Variants in CTC1 observed in about 807,000 individuals in gnomAD.
CTC1 encodes CST complex subunit CTC1.
A neutral mutation model predicts 136.3 loss-of-function variants in CTC1; 91 were observed. The ratio of observed to expected loss-of-function variants is 0.67; its 90% confidence interval spans 0.56 to 0.79. The LOEUF (loss-of-function observed/expected upper bound fraction) is 0.79, where lower values mean the gene tolerates loss of function less well. Among genes scored for constraint, CTC1 ranks in the 30% least tolerant of loss-of-function variants. The pLI is 0.00. For missense variants in CTC1, 1,432 were observed against 1,498.1 expected (o/e 0.96, Z 0.73); for synonymous variants, 606 against 613.8 (o/e 0.99, Z 0.19).
In CTC1 at chr17:8,235,072, G is replaced by A. The variant is rs767968236; in HGVS notation, c.1420C>T (p.Leu474=). The change falls in exon 8 of 23, where the codon CTG becomes TTG. Residue 474 remains leucine (L), a synonymous_variant. Coordinates refer to ENST00000651323, the MANE Select transcript of CTC1 (RefSeq NM_025099.6). The part of the protein sequence containing the change: ...LPLYLWATKA[L]EELACKLCPH... ...CCTCACTTGCAGGCCAGCTCCTCCA[G>A]GGCCTTGGTAGCCCACAGGTAGAGG... The A allele has an allele frequency of 2.4e-5, 39 of 1,614,126 alleles. No homozygotes were observed. Among genetic ancestry groups the A allele is most frequent in the Non-Finnish European group, 3.1e-5 (37 of 1,180,008 alleles).
chr17:8,247,898 G>T, intron 1 of CTC1, 106 bp downstream of exon 1: 1 of 1,195,036 alleles, frequency 8.4e-7, no homozygotes, highest in Non-Finnish European at 1.2e-6. Context: ...CCATGGGCCG[G>T]ACGCGGCCAG....
Position 8,231,475 on chromosome 17 carries a change from C to T in CTC1, c.2476-6G>A, listed in dbSNP as rs768967446. 1.4e-5 allele frequency: 22 copies of T among 1,593,842 alleles called. No homozygotes were observed. Among genetic ancestry groups the T allele is most frequent in the Admixed American group, 5.2e-5 (3 of 58,056 alleles). ...TTTTCAAACAACATTGGTGTCTGCA[C>T]GGAAATGGGAAGACGACTGCCTGTG... On this transcript the variant is annotated splice_polypyrimidine_tract_variant and splice_region_variant and intron_variant, in intron 14 of 22. Coordinates refer to ENST00000651323, the MANE Select transcript of CTC1 (RefSeq NM_025099.6).
chr17:8,231,282 CT>C lies in CTC1; in HGVS notation c.2662del (p.Ser888ValfsTer30). ...GGGCTTGGTGGACATTTACTTGTCA[CT>C]GAGCAGGTCGGTCAGTGAGGATTCA... ...LPESSLTDLLSDNFTDSLVSF... is the reference protein window; with the variant it reads ...LPESSLTDLLXDNFTDSLVSF... On this transcript the variant is annotated frameshift_variant, in exon 15 of 23. Transcript: ENST00000651323. LOFTEE classifies it high-confidence loss of function. 1.3e-6 allele frequency: 2 copies of C among 1,551,294 alleles called. No homozygotes were observed. Among genetic ancestry groups the C allele is most frequent in the African/African-American group, 1.4e-5 (1 of 73,108 alleles).
At chr17:8,238,285 C>A (rs554439039) in intron 3 of CTC1, 43 bp from the exon 4 acceptor site, 1 of 1,566,976 alleles carries the variant, frequency 6.4e-7, no homozygotes, top group African/African-American at 1.4e-5. Flanking sequence ...ACCTTAGCAT[C>A]CTATCCACCC....
At position 8,226,631 on chromosome 17, in the gene CTC1, C is replaced by G. The variant is rs1426639457; in HGVS notation, c.*1549G>C. 1.3e-5 allele frequency: 2 copies of G among 151,790 alleles called. No homozygotes were observed. The highest frequency in any genetic ancestry group is 2.9e-5 in the Non-Finnish European group (2 of 68,028). The allele number at this position is 151,790 out of a possible 1,614,324, so 9.4% of individuals were successfully genotyped here. On this transcript the variant is annotated 3_prime_UTR_variant, in exon 23 of 23. Transcript: ENST00000651323. The stretch of plus-strand genomic sequence containing the variant: ...ATGACGTAGTCGGCAGGATTCGAAC[C>G]TGCGCGGGGAGACCCCAATGGATTT...
At chr17:8,239,712 GT>G (rs1193833148) in intron 2 of CTC1, among the ~76,000 whole-genome samples, 1 of 151,842 alleles carries the variant, frequency 6.6e-6, no homozygotes, top group East Asian at 1.9e-4. Flanking sequence ...ATGAGCCACT[GT>G]GCCCGGCCCC....
chr17:8,229,377 G>A lies in CTC1; in HGVS notation c.3081C>T (p.Ala1027=). 1.2e-6 allele frequency: 2 copies of A among 1,614,196 alleles called. No individual in the cohort carries two copies. The highest frequency in any genetic ancestry group is 1.7e-6 in the Non-Finnish European group (2 of 1,180,010). The change falls in exon 19 of 23, where the codon GCC becomes GCT. Residue 1027 remains alanine (A), a synonymous_variant. Coordinates refer to ENST00000651323, the MANE Select transcript of CTC1 (RefSeq NM_025099.6). ...QGGQSPFQAT[A]SCHIVSVFSL... ...TGAAGACAGAGACGATATGGCAAGA[G>A]GCAGTGGCCTGGAATGGGGACTGAC...
rs199473676 is a variant in CTC1 at position 8,232,427 on chromosome 17, A to C, written c.1994T>G (p.Val665Gly). The change falls in exon 12 of 23, where the codon GTG (valine) becomes GGG (glycine). Residue 665 changes from valine to glycine, a missense_variant. Physicochemically the swap from Val to Gly is moderately radical, Grantham distance 109. Transcript: ENST00000651323. Reference protein sequence around the residue: ...ERFQLIVERDVRSSFPSWKEL... With the variant: ...ERFQLIVERDGRSSFPSWKEL... ...CTTCCAGGAAGGGAAGCTGCTTCTC[A>C]CGTCCCTCTCTACGATCAACTGAAA... The C allele has an allele frequency of 9.4e-5, 152 of 1,613,942 alleles. No homozygotes were observed.
chr17:8,235,228 C>T lies in CTC1; in HGVS notation c.1264G>A (p.Ala422Thr), dbSNP rs369078832. Residue 422 changes from alanine (A) to threonine (T), a missense_variant, in exon 8 of 23, where the codon GCC becomes ACC. Physicochemically the swap from Ala to Thr is moderately conservative, Grantham distance 58. Transcript: ENST00000651323. Reference protein sequence around the residue: ...VGGGTRRPVLAPCLRGAVLLQ... With the variant: ...VGGGTRRPVLTPCLRGAVLLQ... ...AGAACGGCGCCACGGAGGCAGGGGG[C>T]GAGCACTGGCCTTCTTGTCCCCCCT... The T allele has an allele frequency of 4.5e-5, 72 of 1,614,104 alleles. No homozygotes were observed. The highest frequency in any genetic ancestry group is 1.6e-4 in the Middle Eastern group (1 of 6,062).
At position 8,231,726 on chromosome 17, in the gene CTC1, A is replaced by T; in HGVS notation, c.2475T>A (p.Ala825=). The T allele has an allele frequency of 6.2e-7, 1 of 1,613,846 alleles. No homozygotes were observed. The highest frequency in any genetic ancestry group is 8.5e-7 in the Non-Finnish European group (1 of 1,179,690). Residue 825 remains alanine (A), a splice_region_variant and synonymous_variant, in exon 14 of 23, where the codon GCT becomes GCA. Coordinates refer to ENST00000651323, the MANE Select transcript of CTC1 (RefSeq NM_025099.6). Reference sequence around the variant, plus strand: ...AGGTATGATGAAGTAGGACACTCACAGCGGGGCCAGGAGCTATGAGTCGGT... The same window carrying T: ...AGGTATGATGAAGTAGGACACTCACTGCGGGGCCAGGAGCTATGAGTCGGT... ...QVYRLIAPGP[A]TPMLFEKDGS... is the part of the protein sequence containing the mutation.
chr17:8,242,540 A>G (rs1485685417), intron 2 of CTC1, among the ~76,000 whole-genome samples: 2 of 61,912 alleles, frequency 3.2e-5, no homozygotes, highest in African/African-American at 7.1e-5. Flanking sequence ...AGAGAAAAAA[A>G]AAAAAAAAAA....
At chr17:8,239,607 A>G (rs1316360385) in intron 2 of CTC1, among the ~76,000 whole-genome samples, 5 of 151,588 alleles carry the variant, frequency 3.3e-5, no homozygotes, top group Non-Finnish European at 7.4e-5. Flanking sequence ...AACCCTCTCC[A>G]GATGGGGTTT....
At chr17:8,241,915 A>C (rs375576519) in intron 2 of CTC1, among the ~76,000 whole-genome samples, 41 of 151,956 alleles carry the variant, frequency 2.7e-4, no homozygotes, top group African/African-American at 9.4e-4. Context: ...CATTTATTTA[A>C]AGTCTACACT....
At position 8,231,969 on chromosome 17, in the gene CTC1, G is replaced by A; in HGVS notation, c.2319C>T (p.Thr773=). 5 of 1,612,024 alleles carry A rather than the reference G, an allele frequency of 3.1e-6. No individual in the cohort carries two copies. The highest frequency in any genetic ancestry group is 4.2e-6 in the Non-Finnish European group (5 of 1,179,086). The change falls in exon 13 of 23, where the codon ACC becomes ACT. Residue 773 remains threonine, a synonymous_variant. Transcript: ENST00000651323. The part of the protein sequence containing the change: ...FYVLGSWLGG[T]QRKEGTGWGL... ...CCCATCCAGTACCCTCCTTCCTCTGGGTGCCCCCAAGCCAGCTCCCCAACA... is the reference window on the plus strand; with the variant it reads ...CCCATCCAGTACCCTCCTTCCTCTGAGTGCCCCCAAGCCAGCTCCCCAACA...
intron 14 of CTC1, 113 bp downstream of exon 14, chr17:8,231,613 A>G: frequency 8.0e-7 from 1 of 1,254,524 alleles, no homozygotes; most frequent in African/African-American, 1.5e-5. Flanking sequence ...GTGTATCTAA[A>G]TCCAGCCTTC....
chr17:8,233,276 T>C (rs1351461874), intron 10 of CTC1: 3 of 469,276 alleles, frequency 6.4e-6, no homozygotes, highest in Non-Finnish European at 1.2e-5. Context: ...CCATGCGGGA[T>C]CTCACAGGAC....
In CTC1 at chr17:8,232,954, G is replaced by C. The variant is rs1461131288; in HGVS notation, c.1897C>G (p.Leu633Val). The C allele has an allele frequency of 1.2e-6, 2 of 1,614,050 alleles. No homozygotes were observed. The highest frequency in any genetic ancestry group is 1.7e-6 in the Non-Finnish European group (2 of 1,180,030). Residue 633 changes from leucine to valine, a missense_variant, in exon 11 of 23, where the codon CTG becomes GTG. Physicochemically the swap from Leu to Val is conservative, Grantham distance 32. Coordinates refer to ENST00000651323, the MANE Select transcript of CTC1 (RefSeq NM_025099.6). ...LRDQSGSLPC[L>V]LLAKHSQPLS... Reference sequence around the variant, plus strand: ...GGTTGAGAGTGCTTGGCCAGGAGCAGGCAGGGCAGGGAACCACTTTGGTCC... The same window carrying C: ...GGTTGAGAGTGCTTGGCCAGGAGCACGCAGGGCAGGGAACCACTTTGGTCC...
At chr17:8,237,297 T>C in intron 5 of CTC1, 78 bp downstream of exon 5, 3 of 1,534,586 alleles carry the variant, frequency 2.0e-6, no homozygotes, top group Non-Finnish European at 2.7e-6. Context: ...ACATGGCTCC[T>C]CCTATGATGC....
intron 18 of CTC1, 87 bp downstream of exon 18, chr17:8,229,804 A>G: frequency 1.7e-6 from 2 of 1,152,720 alleles, no homozygotes; most frequent in Middle Eastern, 2.3e-4. Context: ...GAAGACTGTA[A>G]TGATGGCAAA....
Sources: allele counts gnomAD v4.1 joint callset (sites outside exome capture counted in the v4.1 genomes callset), GRCh38; gene constraint gnomAD v4.1.1; transcripts MANE v1.5; gene names NCBI Gene and HGNC (gene_info 2026-07-23, HGNC 2026-07-21).